Variants in CDC6 observed in about 807,000 individuals in gnomAD.
CDC6 encodes cell division cycle 6, also known as DNA replication factor CDC6.
Under a neutral mutation model 60.2 loss-of-function variants are expected in CDC6, and 46 were observed. The ratio of observed to expected loss-of-function variants is 0.76; its 90% CI spans 0.60 to 0.98. The LOEUF (loss-of-function observed/expected upper bound fraction) is 0.98, where lower values mean the gene tolerates loss of function less well. Ranked by LOEUF, CDC6 falls within the 50% of genes least tolerant of loss-of-function variation. CDC6 has a pLI of 0.00. For synonymous variants in CDC6, 210 were observed against 233.2 expected, an observed-to-expected ratio of 0.90 and a Z score of 0.90; for missense variants, 596 against 652.9, an observed-to-expected ratio of 0.91 and a Z score of 0.95.
At chr17:40,288,849 C>T (rs2032704921) in intron 1 of CDC6, among the ~76,000 whole-genome samples, 1 of 152,158 alleles carries the variant, frequency 6.6e-6, no homozygotes, top group Non-Finnish European at 1.5e-5. Flanking sequence ...CAGGCGTGAG[C>T]CACCGCGTTT....
chr17:40,288,422 T>TG (rs2032694917), intron 1 of CDC6, among the ~76,000 whole-genome samples: 1 of 139,630 alleles, frequency 7.2e-6, no homozygotes, highest in East Asian at 2.1e-4. Context: ...TTCATGTAAC[T>TG]TTTTTTTTTT....
In CDC6 at chr17:40,301,521, C is replaced by T; in HGVS notation, c.1506C>T (p.Asp502=). 6.2e-7 allele frequency: 1 copy of T among 1,613,578 alleles called. No individual in the cohort carries two copies. The highest frequency in any genetic ancestry group is 8.5e-7 in the Non-Finnish European group (1 of 1,179,494). The change falls in exon 11 of 12, where the codon GAC becomes GAT. Residue 502 remains aspartate (D), a synonymous_variant. Coordinates refer to ENST00000209728, the MANE Select transcript of CDC6 (RefSeq NM_001254.4). Reference sequence around the variant, plus strand: ...GCAAACAGCAGGTGGCGGCTGTGGACCAGTCAGAGTGTTTGTCACTTTCAG... The same window carrying T: ...GCAAACAGCAGGTGGCGGCTGTGGATCAGTCAGAGTGTTTGTCACTTTCAG... ...VCRKQQVAAV[D]QSECLSLSGL...
intron 4 of CDC6, 79 bp from the exon 5 acceptor site, chr17:40,293,376 CT>C (rs573833845): frequency 1.5e-5 from 16 of 1,068,308 alleles, no homozygotes; most frequent in Non-Finnish European, 2.2e-5. Context: ...GCTGTTAGCT[CT>C]TCAAAGACAT....
At chr17:40,289,216 G>C in intron 1 of CDC6, 192 bp from the exon 2 acceptor site, 1 of 562,320 alleles carries the variant, frequency 1.8e-6, no homozygotes, top group East Asian at 3.3e-5. Context: ...GCCCTTCCAC[G>C]TAGTAGGTAG....
In CDC6 at chr17:40,289,402, A is replaced by G. The variant is rs953203140; in HGVS notation, c.-13-6A>G. The G allele has an allele frequency of 2.5e-6, 4 of 1,612,044 alleles. No individual in the cohort carries two copies. The African/African-American group carries it at 5.3e-5, about 22-fold the overall frequency. On this transcript the variant is annotated splice_polypyrimidine_tract_variant and splice_region_variant and intron_variant, in intron 1 of 11. Transcript: ENST00000209728. ...ACTAGTTGTCCTCTTATTTTTTTTA[A>G]TCTAGCTGTGCTGTCGTCATGCCTC...
At chr17:40,293,364 G>A (rs772008491) in intron 4 of CDC6, 92 bp from the exon 5 acceptor site, 34 of 869,888 alleles carry the variant, frequency 3.9e-5, no homozygotes, top group African/African-American at 3.5e-4. Flanking sequence ...GCTTCCTTAC[G>A]TGCTGTTAGC....
rs1243578371 is a variant in CDC6, at chr17:40,302,349, TG to T, written c.*349del. 2.6e-5 allele frequency: 7 copies of T among 271,604 alleles called. No homozygotes were observed. The highest frequency in any genetic ancestry group is 1.6e-4 in the African/African-American group (7 of 44,136). The allele number at this position is 271,604 out of a possible 1,614,324, so 16.8% of individuals were successfully genotyped here. A position where few individuals can be genotyped will look rare whatever the true frequency, so the allele number is the denominator to read the frequency against. ...AAACATGAGTGGGTATTTTTTTGTT[TG>T]TTTTTTTTGTTGTTGTTGTTTTTGA... On this transcript the variant is annotated 3_prime_UTR_variant, in exon 12 of 12. Transcript: ENST00000209728.
In CDC6 at chr17:40,302,429, A is replaced by G; in HGVS notation, c.*428A>G. 1 of 178,060 alleles carries G rather than the reference A, an allele frequency of 5.6e-6. No homozygotes were observed. Among genetic ancestry groups the G allele is most frequent in the Admixed American group, 5.8e-5 (1 of 17,132 alleles). The allele number at this position is 178,060 out of a possible 1,614,324, so 11.0% of individuals were successfully genotyped here. A position where few individuals can be genotyped will look rare whatever the true frequency, so the allele number is the denominator to read the frequency against. On this transcript the variant is annotated 3_prime_UTR_variant, in exon 12 of 12. Transcript: ENST00000209728. ...GAGTGCAATGGCGCGTTCTCTGCTC[A>G]CTACAGCACCCGCTTCCCAGGTTGA...
At chr17:40,298,952 G>A (rs1708711833) in intron 9 of CDC6, among the ~76,000 whole-genome samples, 1 of 151,938 alleles carries the variant, frequency 6.6e-6, no homozygotes, top group Admixed American at 6.6e-5. Flanking sequence ...TCTTTTACTT[G>A]ATCTGTGATC....
Position 40,301,480 on chromosome 17 carries a change from T to C in CDC6, c.1465T>C (p.Tyr489His). 1 of 1,614,036 alleles carries C rather than the reference T, an allele frequency of 6.2e-7. No individual in the cohort carries two copies. Among genetic ancestry groups the C allele is most frequent in the Non-Finnish European group, 8.5e-7 (1 of 1,179,888 alleles). ...TGTTTCCTACCAGTTATATGAAGCC[T>C]ACAGTAAAGTCTGTCGCAAACAGCA... ...EVTLGKLYEA[Y>H]SKVCRKQQVA... is the part of the protein sequence containing the mutation. The change falls in exon 11 of 12, where the codon TAC (tyrosine) becomes CAC (histidine). Residue 489 changes from tyrosine to histidine, a missense_variant. Tyr to His is a moderately conservative substitution (Grantham distance 83). Coordinates refer to ENST00000209728, the MANE Select transcript of CDC6 (RefSeq NM_001254.4).
Position 40,301,026 on chromosome 17 carries a change from G to A in CDC6, c.1448G>A (p.Gly483Glu), listed in dbSNP as rs1181627316. ...RQLKIKEVTL[G>E]KLYEAYSKVC... ...TTGAAAATCAAAGAGGTCACTCTGG[G>A]GAAGGTAAGTTGGGATGGAGCAGAT... The change falls in exon 10 of 12, where the codon GGG (glycine) becomes GAG (glutamate). Residue 483 changes from glycine to glutamate, a missense_variant. Coordinates refer to ENST00000209728, the MANE Select transcript of CDC6 (RefSeq NM_001254.4). 6.2e-7 allele frequency: 1 copy of A among 1,610,982 alleles called. No homozygotes were observed. The highest frequency in any genetic ancestry group is 2.2e-5 in the East Asian group (1 of 44,870).
At chr17:40,290,335 G>C (rs948332188) in intron 2 of CDC6, among the ~76,000 whole-genome samples, 1 of 152,104 alleles carries the variant, frequency 6.6e-6, no homozygotes, top group Non-Finnish European at 1.5e-5. Context: ...GGGTAATTTG[G>C]TTGTTTCTGG....
At chr17:40,291,775 T>G in intron 4 of CDC6, 107 bp downstream of exon 4, 1 of 1,183,906 alleles carries the variant, frequency 8.4e-7, no homozygotes, top group Non-Finnish European at 1.2e-6. Context: ...AGACGGAGTC[T>G]CGCTCTGTCG....
rs1189461774 is a variant in CDC6 at position 40,294,041 on chromosome 17, C to T, written c.928C>T (p.His310Tyr). Residue 310 changes from histidine (H) to tyrosine (Y), a missense_variant, in exon 6 of 12, where the codon CAC becomes TAC. Transcript: ENST00000209728. The part of the protein sequence containing the change: ...LFEWPWLSNS[H>Y]LVLIGIANTL... ...TGAATGGCCATGGCTAAGCAATTCT[C>T]ACTTGGTGCTGATTGGTTAGTGCTC... 3 of 1,611,640 alleles carry T rather than the reference C, an allele frequency of 1.9e-6. No individual in the cohort carries two copies. Among genetic ancestry groups the T allele is most frequent in the Non-Finnish European group, 2.5e-6 (3 of 1,177,820 alleles).
intron 11 of CDC6, 44 bp downstream of exon 11, chr17:40,301,652 T>C: frequency 6.3e-7 from 1 of 1,585,338 alleles, no homozygotes. Flanking sequence ...TGTCCTATTT[T>C]GTAGAGTGAT....
At chr17:40,297,242 G>C (rs1049703403) in intron 9 of CDC6, among the ~76,000 whole-genome samples, 4 of 152,198 alleles carry the variant, frequency 2.6e-5, no homozygotes, top group Non-Finnish European at 5.9e-5. Flanking sequence ...TGTGAGACCA[G>C]CCTGGGCAAT....
Position 40,302,119 on chromosome 17 carries a change from C to T in CDC6, c.*118C>T. ...CAAATATGACCTTTTTTACTTGAAG[C>T]CAATGAATTTTAATCTATAGATTCT... On this transcript the variant is annotated 3_prime_UTR_variant, in exon 12 of 12. Transcript: ENST00000209728. The T allele has an allele frequency of 1.3e-6, 1 of 752,684 alleles. No individual in the cohort carries two copies. Among genetic ancestry groups the T allele is most frequent in the Non-Finnish European group, 2.4e-6 (1 of 410,244 alleles). The allele number at this position is 752,684 out of a possible 1,614,324, so 46.6% of individuals were successfully genotyped here.
intron 3 of CDC6, 58 bp from the exon 4 acceptor site, chr17:40,291,411 A>G: frequency 3.7e-6 from 6 of 1,611,346 alleles, no homozygotes; most frequent in Non-Finnish European, 4.2e-6. Context: ...GAAACCACCC[A>G]CTGGGTCTTC....
intron 9 of CDC6, among the ~76,000 whole-genome samples, chr17:40,299,895 A>G (rs2032912941): frequency 6.6e-6 from 1 of 152,220 alleles, no homozygotes; most frequent in South Asian, 2.1e-4. Flanking sequence ...CTGACATGGC[A>G]GCGACTTCAC....
Sources: gnomAD v4.1 joint callset for allele counts (sites outside exome capture counted in the v4.1 genomes callset) on GRCh38, gnomAD v4.1.1 for gene constraint, MANE v1.5 for transcripts, NCBI Gene and HGNC (gene_info 2026-07-23, HGNC 2026-07-21) for gene names.